EYA2: variants seen among roughly 807,000 people sequenced by gnomAD.
EYA2 encodes the protein protein phosphatase EYA2.
Under a neutral mutation model 69.2 loss-of-function variants are expected in EYA2, and 31 were observed. The ratio of observed to expected loss-of-function variants is 0.45; its 90% CI spans 0.34 to 0.60. The LOEUF (loss-of-function observed/expected upper bound fraction) is 0.60, where lower values mean the gene tolerates loss of function less well. Ranked by LOEUF, EYA2 falls within the 20% of genes least tolerant of loss-of-function variation. The probability of loss-of-function intolerance (pLI) is 0.02; values close to 1 mark genes in which losing one functional copy is unlikely to be tolerated. For missense variants in EYA2, 622 were observed against 701.2 expected (o/e 0.89, Z 1.28); for synonymous variants, 257 against 279.4 (o/e 0.92, Z 0.80).
chr20:47,106,850 G>A (rs1237713073), intron 9 of EYA2, among the ~76,000 whole-genome samples: 2 of 152,134 alleles, frequency 1.3e-5, no homozygotes, highest in African/African-American at 4.8e-5. Context: ...TGAATGGGAG[G>A]CTGGAAAACA....
intron 9 of EYA2, among the ~76,000 whole-genome samples, chr20:47,129,320 G>C (rs1453414569): frequency 6.6e-6 from 1 of 152,210 alleles, no homozygotes; most frequent in Non-Finnish European, 1.5e-5. Flanking sequence ...GATGTGGAGT[G>C]AGTGGGGAGG....
chr20:47,186,495 G>C (rs1025679161), intron 15 of EYA2, among the ~76,000 whole-genome samples: 1 of 151,766 alleles, frequency 6.6e-6, no homozygotes, highest in African/African-American at 2.4e-5. Context: ...AAGTAGCTGG[G>C]ATTACAGGTG....
intron 10 of EYA2, among the ~76,000 whole-genome samples, chr20:47,165,260 G>T (rs1047965280): frequency 1.3e-5 from 2 of 152,158 alleles, no homozygotes; most frequent in East Asian, 1.9e-4. Context: ...TTGGGGAGAG[G>T]GGGTAGATTA....
intron 9 of EYA2, among the ~76,000 whole-genome samples, chr20:47,141,623 C>A (rs2033599289): frequency 2.0e-5 from 3 of 152,208 alleles, no homozygotes; most frequent in Admixed American, 6.5e-5. Flanking sequence ...TATCTCTGAT[C>A]CACATCATCT....
At chr20:47,130,812 G>A (rs1018668484) in intron 9 of EYA2, among the ~76,000 whole-genome samples, 3 of 152,274 alleles carry the variant, frequency 2.0e-5, no homozygotes, top group African/African-American at 2.4e-5. Context: ...TGCAAAGCCC[G>A]GGCGAGGTGG....
At chr20:47,178,156 C>A (rs1432530224) in intron 12 of EYA2, among the ~76,000 whole-genome samples, 1 of 152,012 alleles carries the variant, frequency 6.6e-6, no homozygotes, top group East Asian at 1.9e-4. Context: ...AGCAAGACCC[C>A]ACCTCTATGA....
At chr20:47,077,338 A>T (rs561022761) in intron 7 of EYA2, among the ~76,000 whole-genome samples, 4 of 152,304 alleles carry the variant, frequency 2.6e-5, no homozygotes, top group African/African-American at 9.6e-5. Context: ...TGCTATGCAC[A>T]TCTTCTCTTT....
chr20:47,061,183 C>T (rs1439830229), intron 5 of EYA2, among the ~76,000 whole-genome samples: 1 of 152,114 alleles, frequency 6.6e-6, no homozygotes, highest in African/African-American at 2.4e-5. Flanking sequence ...TCCTTCTTCC[C>T]TTGTCTCTTG....
chr20:46,957,650 T>C (rs1206763), intron 1 of EYA2, among the ~76,000 whole-genome samples: 144,668 of 151,790 alleles, frequency 0.95, 69,319 homozygotes, highest in Middle Eastern at 0.99. Flanking sequence ...CAGCCACAAA[T>C]CAAGGTTTGC....
intron 9 of EYA2, chr20:47,117,309 C>T: frequency 2.1e-6 from 2 of 948,166 alleles, no homozygotes; most frequent in African/African-American, 1.8e-5. Flanking sequence ...CGCACCCAGC[C>T]AAGCATCTGC....
Position 47,183,290 on chromosome 20 carries a change from G to A in EYA2, c.1436-1G>A. ...TTTCTTTCCTTCCTGTGTGCGTGCAGGGAAGGAGAGCTGCTTCGAGAGGAT... is the reference window on the plus strand; with the variant it reads ...TTTCTTTCCTTCCTGTGTGCGTGCAAGGAAGGAGAGCTGCTTCGAGAGGAT... On this transcript the variant is annotated splice_acceptor_variant, in intron 14 of 15. Coordinates refer to ENST00000327619, the MANE Select transcript of EYA2 (RefSeq NM_005244.5). LOFTEE classifies it high-confidence loss of function. 6.2e-7 allele frequency: 1 copy of A among 1,613,992 alleles called. No individual in the cohort carries two copies. Among genetic ancestry groups the A allele is most frequent in the Non-Finnish European group, 8.5e-7 (1 of 1,179,912 alleles).
intron 5 of EYA2, among the ~76,000 whole-genome samples, chr20:47,017,558 G>A (rs759531311): frequency 1.6e-4 from 24 of 152,232 alleles, no homozygotes; most frequent in Non-Finnish European, 3.1e-4. Context: ...AAAAAAAATT[G>A]TGAAAGGAGA....
chr20:47,106,823 C>G (rs2032595052), intron 9 of EYA2, among the ~76,000 whole-genome samples: 1 of 152,118 alleles, frequency 6.6e-6, no homozygotes, highest in Non-Finnish European at 1.5e-5. Flanking sequence ...CCAAAAAGCT[C>G]AAAATCTGCT....
intron 4 of EYA2, 63 bp downstream of exon 4, chr20:47,005,147 A>G: frequency 4.5e-6 from 7 of 1,567,576 alleles, no homozygotes; most frequent in Non-Finnish European, 5.2e-6. Flanking sequence ...TTTGTTCTGC[A>G]CTATTGTCTC....
In EYA2 at chr20:47,141,352, T is replaced by C. The variant is rs79105689; in HGVS notation, c.889-1707T>C. Among the ~76,000 whole-genome samples the C allele has an allele frequency of 8.8e-3, 1,347 of 152,324 alleles. 18 individuals carry two copies. Among genetic ancestry groups the C allele is most frequent in the African/African-American group, 0.029 (1,225 of 41,558 alleles). On this transcript the variant is annotated intron_variant, in intron 9 of 15. Transcript: ENST00000327619. The stretch of plus-strand genomic sequence containing the variant: ...TCTTAACCTTGACTGCATATTGAAA[T>C]CACCTGGGGAGCTTTAAACTTCTTG...
At chr20:46,909,595 G>A (rs914251233) in intron 1 of EYA2, among the ~76,000 whole-genome samples, 16 of 152,198 alleles carry the variant, frequency 1.1e-4, no homozygotes, top group Non-Finnish European at 2.2e-4. Flanking sequence ...TTCGAGGAGG[G>A]CTGGTTTCAG....
At chr20:47,152,038 G>A (rs2033833179) in intron 10 of EYA2, among the ~76,000 whole-genome samples, 4 of 152,144 alleles carry the variant, frequency 2.6e-5, no homozygotes, top group South Asian at 2.1e-4. Flanking sequence ...AAAACAGGAT[G>A]TATTTCTCTT....
At chr20:47,001,538 G>A in intron 3 of EYA2, 65 bp downstream of exon 3, 2 of 1,539,448 alleles carry the variant, frequency 1.3e-6, no homozygotes, top group Admixed American at 1.7e-5. Context: ...GAAGGTAGAG[G>A]TTAAGAGAGA....
intron 1 of EYA2, among the ~76,000 whole-genome samples, chr20:46,985,416 A>G (rs1354344134): frequency 1.3e-5 from 2 of 152,248 alleles, no homozygotes; most frequent in Non-Finnish European, 1.5e-5. Flanking sequence ...TCAGACTCAT[A>G]AACACATTCC....
Sources: allele counts gnomAD v4.1 joint callset (sites outside exome capture counted in the v4.1 genomes callset), GRCh38; gene constraint gnomAD v4.1.1; transcripts MANE v1.5; gene names NCBI Gene and HGNC (gene_info 2026-07-23, HGNC 2026-07-21).